Variants in VTI1A observed in about 807,000 individuals in gnomAD.
VTI1A encodes the protein vesicle transport through interaction with t-SNAREs 1A.
Under a neutral mutation model 34.9 loss-of-function variants are expected in VTI1A, and 22 were observed. The observed-to-expected ratio is 0.63, with a 90% CI of 0.45 to 0.90. The LOEUF (loss-of-function observed/expected upper bound fraction) is 0.90. Ranked by LOEUF, VTI1A falls within the 40% of genes least tolerant of loss-of-function variation. The probability of loss-of-function intolerance (pLI) is 0.00; values close to 1 mark genes in which losing one functional copy is unlikely to be tolerated. For synonymous variants in VTI1A, 87 were observed against 97.3 expected, an observed-to-expected ratio of 0.89 and a Z score of 0.62; for missense variants, 268 against 275.6, an observed-to-expected ratio of 0.97 and a Z score of 0.20.
At position 112,700,073 on chromosome 10, in the gene VTI1A, G is replaced by A. The variant is rs376688357; in HGVS notation, c.560+31075G>A. On this transcript the variant is annotated intron_variant, in intron 7 of 7. Coordinates refer to ENST00000393077, the MANE Select transcript of VTI1A (RefSeq NM_145206.4). ...GCAGAGGTTGCAGTGAGCCAAGATC[G>A]TGCTACTGCACTCCAGCCTGGGTAA... is the stretch of plus-strand genomic sequence containing the variant. 1.1e-4 allele frequency among the ~76,000 whole-genome samples: 16 copies of A among 145,550 alleles called. 1 individual carries two copies. The East Asian group carries it at 1.6e-3, about 15-fold the overall frequency.
chr10:112,597,493 C>G (rs1308300916), intron 5 of VTI1A, among the ~76,000 whole-genome samples: 8 of 152,168 alleles, frequency 5.3e-5, no homozygotes, highest in Non-Finnish European at 1.2e-4. Flanking sequence ...GCTGGGATTA[C>G]TGGCGTGAGC....
chr10:112,450,425 A>G (rs895963794), intron 1 of VTI1A: 10 of 152,202 alleles, frequency 6.6e-5, no homozygotes, highest in African/African-American at 2.4e-4. Flanking sequence ...TGGCGAGTGC[A>G]GTGTTGAGCT....
chr10:112,790,349 G>A (rs1479493702), intron 7 of VTI1A, among the ~76,000 whole-genome samples: 1 of 152,124 alleles, frequency 6.6e-6, no homozygotes, highest in Non-Finnish European at 1.5e-5. Flanking sequence ...TGTCTCTCAG[G>A]TCTTCCCAGC....
intron 5 of VTI1A, among the ~76,000 whole-genome samples, chr10:112,553,571 C>T (rs1851441482): frequency 6.6e-6 from 1 of 152,212 alleles, no homozygotes; most frequent in Non-Finnish European, 1.5e-5. Flanking sequence ...ATGCAAGTGT[C>T]CAAGTGGGCA....
intron 5 of VTI1A, among the ~76,000 whole-genome samples, chr10:112,571,959 A>G (rs1421446539): frequency 6.6e-6 from 1 of 152,184 alleles, no homozygotes; most frequent in Non-Finnish European, 1.5e-5. Context: ...AAAGATGGGA[A>G]CAGCAGACAC....
chr10:112,553,708 C>A (rs1220044524), intron 5 of VTI1A, among the ~76,000 whole-genome samples: 1 of 152,178 alleles, frequency 6.6e-6, no homozygotes. Context: ...AGAAGGTATA[C>A]CCACTTTTGA....
chr10:112,564,961 C>G (rs1851859060), intron 5 of VTI1A, among the ~76,000 whole-genome samples: 1 of 152,080 alleles, frequency 6.6e-6, no homozygotes, highest in Non-Finnish European at 1.5e-5. Context: ...ATATTTACCT[C>G]ATTGAATGCT....
intron 7 of VTI1A, among the ~76,000 whole-genome samples, chr10:112,676,754 A>C (rs1318081830): frequency 6.6e-6 from 1 of 152,224 alleles, no homozygotes. Context: ...TTCCAGTTGC[A>C]TGTGGCAGAA....
chr10:112,608,897 C>G (rs2134504540), intron 5 of VTI1A, among the ~76,000 whole-genome samples: 1 of 152,192 alleles, frequency 6.6e-6, no homozygotes, highest in South Asian at 2.1e-4. Context: ...TCTTTAGTAT[C>G]TTAATTAGCA....
Position 112,464,513 on chromosome 10 carries a change from T to C in VTI1A, c.154-34T>C, listed in dbSNP as rs758723868. 7.1e-6 allele frequency: 11 copies of C among 1,544,658 alleles called. No homozygotes were observed. In the East Asian group the frequency reaches 2.6e-4, roughly 36 times the overall value. On this transcript the variant is annotated intron_variant, in intron 2 of 7. Transcript: ENST00000393077. ...ATTTGTTCAAATAAGAATAACAGTG[T>C]GTTTTAAATCACATTTTTCTTTCCC...
intron 7 of VTI1A, among the ~76,000 whole-genome samples, chr10:112,756,427 C>T (rs1243416023): frequency 6.6e-6 from 1 of 152,148 alleles, no homozygotes; most frequent in Non-Finnish European, 1.5e-5. Context: ...CTACATGACA[C>T]TGGAGTCATG....
In VTI1A at chr10:112,525,730, T is replaced by C. The variant is rs538691463; in HGVS notation, c.265-1357T>C. 1.3e-4 allele frequency among the ~76,000 whole-genome samples: 19 copies of C among 143,382 alleles called. No homozygotes were observed. In the South Asian group the frequency reaches 4.2e-3, roughly 32 times the overall value. The allele number at this position is 143,382 out of a possible 152,430, so 94.1% of individuals were successfully genotyped here. A position where few individuals can be genotyped will look rare whatever the true frequency, so the allele number is the denominator to read the frequency against. The stretch of plus-strand genomic sequence containing the variant: ...TACTGAAATAATTTTCTGTGTTTTG[T>C]GGTTAAGATAATTGGGAAAAGTTGT... On this transcript the variant is annotated intron_variant, in intron 3 of 7. Coordinates refer to ENST00000393077, the MANE Select transcript of VTI1A (RefSeq NM_145206.4).
intron 3 of VTI1A, among the ~76,000 whole-genome samples, chr10:112,514,840 C>T (rs1468689167): frequency 6.6e-6 from 1 of 151,872 alleles, no homozygotes; most frequent in Non-Finnish European, 1.5e-5. Flanking sequence ...ATTTTAACTA[C>T]CAATAATGAG....
intron 1 of VTI1A, chr10:112,450,699 T>A (rs1847205641): frequency 6.6e-6 from 1 of 152,262 alleles, no homozygotes; most frequent in Non-Finnish European, 1.5e-5. Context: ...TGATATTTTT[T>A]AAACAATAAA....
chr10:112,482,667 A>G (rs1412436731), intron 3 of VTI1A, among the ~76,000 whole-genome samples: 5 of 152,170 alleles, frequency 3.3e-5, no homozygotes, highest in African/African-American at 1.2e-4. Flanking sequence ...ACCCAGTAAA[A>G]TTCAAAATGC....
intron 7 of VTI1A, among the ~76,000 whole-genome samples, chr10:112,777,557 T>A (rs371054629): frequency 6.6e-6 from 1 of 152,342 alleles, no homozygotes; most frequent in East Asian, 1.9e-4. Flanking sequence ...CCAAAAAGGA[T>A]TTTATTCTGA....
intron 5 of VTI1A, among the ~76,000 whole-genome samples, chr10:112,559,440 C>T (rs933767243): frequency 3.3e-5 from 5 of 152,104 alleles, no homozygotes; most frequent in African/African-American, 1.2e-4. Flanking sequence ...CTCATCATCT[C>T]GTCAGTATTG....
At chr10:112,826,580 T>C in the VTI1A span, 2 of 152,150 alleles carry the variant, frequency 1.3e-5, no homozygotes, top group Non-Finnish European at 1.5e-5. Context: ...TCTGCACCCA[T>C]CCATTTGAGT....
chr10:112,854,714 G>C, the VTI1A span, among the ~76,000 whole-genome samples: 1 of 152,168 alleles, frequency 6.6e-6, no homozygotes, highest in Non-Finnish European at 1.5e-5. Context: ...GGCATTACCA[G>C]CTTGAAGAAA....
Sources: allele counts gnomAD v4.1 joint callset (sites outside exome capture counted in the v4.1 genomes callset), GRCh38; gene constraint gnomAD v4.1.1; transcripts MANE v1.5; gene names NCBI Gene and HGNC (gene_info 2026-07-23, HGNC 2026-07-21).